ANKRD30A: variants seen among roughly 807,000 people sequenced by gnomAD.
ANKRD30A encodes the protein ankyrin repeat domain 30A, also known as ankyrin repeat domain-containing protein 30A.
A neutral mutation model predicts 166.3 loss-of-function variants in ANKRD30A; 170 were observed. The observed-to-expected ratio is 1.02, with a 90% CI of 0.90 to 1.16. The LOEUF (loss-of-function observed/expected upper bound fraction) is 1.16. Among genes scored for constraint, ANKRD30A ranks in the 50% most tolerant of loss-of-function variants. ANKRD30A has a pLI of 0.00. For missense variants in ANKRD30A, 1,630 were observed against 1,518.0 expected (o/e 1.07, Z -1.23); for synonymous variants, 564 against 508.9 (o/e 1.11, Z -1.46).
chr10:37,205,498 A>T (rs1841936594), intron 31 of ANKRD30A, among the ~76,000 whole-genome samples: 1 of 152,196 alleles, frequency 6.6e-6, no homozygotes, highest in Non-Finnish European at 1.5e-5. Context: ...TACCTAATGT[A>T]AATGACGAGT....
chr10:37,259,050 G>T, the ANKRD30A span, among the ~76,000 whole-genome samples: 1 of 148,354 alleles, frequency 6.7e-6, no homozygotes, highest in Non-Finnish European at 1.5e-5. Context: ...TCTTGAGCAA[G>T]ACTAAATAAG....
At chr10:37,156,261 T>C (rs1838372798) in intron 13 of ANKRD30A, among the ~76,000 whole-genome samples, 1 of 152,150 alleles carries the variant, frequency 6.6e-6, no homozygotes, top group African/African-American at 2.4e-5. Context: ...TCCAAGTACG[T>C]ACAGCCATAC....
Position 37,125,994 on chromosome 10 carries a change from A to C in ANKRD30A, c.207A>C (p.Gln69His). Residue 69 changes from glutamine (Q) to histidine (H), a missense_variant, in exon 1 of 36, where the codon CAA becomes CAC. Gln to His is a conservative substitution (Grantham distance 24, BLOSUM62 0). Transcript: ENST00000361713. Reference protein sequence around the residue: ...KRKKTINLNIQDAQKRTALHW... With the variant: ...KRKKTINLNIHDAQKRTALHW... ...AGAAGACCATCAACCTTAATATACA[A>C]GACGCCCAGAAGAGGTACCAGGCCC... is the stretch of plus-strand genomic sequence containing the variant. The C allele has an allele frequency of 1.9e-6, 3 of 1,584,564 alleles. No homozygotes were observed. In the South Asian group the frequency reaches 3.3e-5, roughly 17 times the overall value.
At chr10:37,234,944 C>T (rs1462001910), downstream of ANKRD30A, among the ~76,000 whole-genome samples, 3 of 152,072 alleles carry the variant, frequency 2.0e-5, no homozygotes, top group Non-Finnish European at 2.9e-5. Flanking sequence ...TGTTGAACTG[C>T]GCTTTTTCCA....
intron 9 of ANKRD30A, among the ~76,000 whole-genome samples, 158 bp downstream of exon 9, chr10:37,147,615 G>A (rs1837600540): frequency 6.6e-6 from 1 of 152,040 alleles, no homozygotes; most frequent in African/African-American, 2.4e-5. Context: ...TTCAGGTGTT[G>A]GCAACAGGAA....
At chr10:37,213,243 G>A (rs1842429383) in intron 31 of ANKRD30A, among the ~76,000 whole-genome samples, 1 of 151,890 alleles carries the variant, frequency 6.6e-6, no homozygotes, top group East Asian at 1.9e-4. Flanking sequence ...TCAAGATCAA[G>A]GTATCATCAG....
At chr10:37,202,726 A>G (rs1318389509) in intron 31 of ANKRD30A, among the ~76,000 whole-genome samples, 1 of 152,062 alleles carries the variant, frequency 6.6e-6, no homozygotes, top group East Asian at 1.9e-4. Context: ...ATTAACAAAT[A>G]TGATAGACTG....
At chr10:37,197,172 A>G (rs1386361289) in intron 27 of ANKRD30A, 109 bp from the exon 28 acceptor site, 8 of 1,442,368 alleles carry the variant, frequency 5.5e-6, no homozygotes, top group African/African-American at 4.2e-5. Context: ...TAAAGTATTC[A>G]TTCTCCAATT....
rs1242191673 is a variant in ANKRD30A at position 37,136,643 on chromosome 10, A to T, written c.792A>T (p.Leu264Phe). The stretch of plus-strand genomic sequence containing the variant: ...AAATTATGGAATATATACGAAAATT[A>T]TCTAAAAATCATCAAAATACCAATC... ...HEQIMEYIRKLSKNHQNTNPE... is the reference protein window; with the variant it reads ...HEQIMEYIRKFSKNHQNTNPE... The change falls in exon 6 of 36, where the codon TTA (leucine) becomes TTT (phenylalanine). Residue 264 changes from leucine to phenylalanine, a missense_variant. This residue lies in a region of ANKRD30A where 904 missense variants were observed against 818.5 expected (regional missense o/e 1.10). Coordinates refer to ENST00000361713, the MANE Select transcript of ANKRD30A (RefSeq NM_052997.3). 1.4e-6 allele frequency: 2 copies of T among 1,422,658 alleles called. No individual in the cohort carries two copies. Among genetic ancestry groups the T allele is most frequent in the Non-Finnish European group, 1.9e-6 (2 of 1,034,072 alleles). 88.1% of individuals were successfully genotyped at this position (1,422,658 alleles called of 1,614,324 possible).
the ANKRD30A span, among the ~76,000 whole-genome samples, chr10:37,243,694 C>G: frequency 2.0e-5 from 3 of 152,006 alleles, no homozygotes; most frequent in African/African-American, 7.2e-5. Context: ...AGTGACATTC[C>G]TATGATGTAT....
At position 37,232,526 on chromosome 10, in the gene ANKRD30A, A is replaced by G. The variant is rs2132768913; in HGVS notation, c.*239A>G. On this transcript the variant is annotated 3_prime_UTR_variant, in exon 36 of 36. Coordinates refer to ENST00000361713, the MANE Select transcript of ANKRD30A (RefSeq NM_052997.3). Reference sequence around the variant, plus strand: ...TTGCATAAAGCTGCACAGGATTCCCATCTACCCTGATGATGCAGCAGACAT... The same window carrying G: ...TTGCATAAAGCTGCACAGGATTCCCGTCTACCCTGATGATGCAGCAGACAT... The G allele has an allele frequency of 6.7e-6, 1 of 150,312 alleles. No individual in the cohort carries two copies. Among genetic ancestry groups the G allele is most frequent in the South Asian group, 2.1e-4 (1 of 4,718 alleles). The allele number at this position is 150,312 out of a possible 1,614,324, so 9.3% of individuals were successfully genotyped here. A position where few individuals can be genotyped will look rare whatever the true frequency, so the allele number is the denominator to read the frequency against.
At chr10:37,166,433 G>A (rs1204748043) in intron 18 of ANKRD30A, among the ~76,000 whole-genome samples, 172 bp from the exon 19 acceptor site, 4 of 151,988 alleles carry the variant, frequency 2.6e-5, no homozygotes, top group Non-Finnish European at 4.4e-5. Flanking sequence ...AGAGGGTTAT[G>A]TGAGGTTTTC....
At chr10:37,177,356 A>G (rs1416436179) in intron 24 of ANKRD30A, among the ~76,000 whole-genome samples, 1 of 152,108 alleles carries the variant, frequency 6.6e-6, no homozygotes, top group Non-Finnish European at 1.5e-5. Context: ...CTAGAACGTA[A>G]GTTAGATATT....
At chr10:37,218,377 A>C (rs1482645496) in intron 33 of ANKRD30A, among the ~76,000 whole-genome samples, 1 of 150,964 alleles carries the variant, frequency 6.6e-6, no homozygotes, top group African/African-American at 2.4e-5. Flanking sequence ...GACTCAGAAG[A>C]CTGGGAGAAA....
chr10:37,213,003 A>G (rs1842416513), intron 31 of ANKRD30A, among the ~76,000 whole-genome samples: 1 of 151,822 alleles, frequency 6.6e-6, no homozygotes, highest in Non-Finnish European at 1.5e-5. Context: ...TCATTTTCAA[A>G]CTTGGTAATT....
At chr10:37,241,326 T>A in the ANKRD30A span, 1 of 150,870 alleles carries the variant, frequency 6.6e-6, no homozygotes, top group African/African-American at 2.4e-5. Flanking sequence ...TAATATTTTA[T>A]TACTGGAATG....
At chr10:37,168,063 A>G (rs1839495442) in intron 19 of ANKRD30A, among the ~76,000 whole-genome samples, 1 of 32,104 alleles carries the variant, frequency 3.1e-5, no homozygotes, top group Admixed American at 3.7e-4. Flanking sequence ...ACTTATTGGT[A>G]TTAACACTTT....
chr10:37,153,060 A>T (rs535450576), intron 12 of ANKRD30A, among the ~76,000 whole-genome samples: 2 of 152,264 alleles, frequency 1.3e-5, no homozygotes, highest in East Asian at 3.9e-4. Context: ...ACCGAAAGGA[A>T]GCAGCTTTTT....
chr10:37,215,861 A>G (rs993777077), intron 31 of ANKRD30A, among the ~76,000 whole-genome samples: 24 of 151,330 alleles, frequency 1.6e-4, no homozygotes, highest in African/African-American at 5.6e-4. Context: ...TCTTTATTCC[A>G]CAGTGTAGCC....
Sources: gnomAD v4.1 joint callset for allele counts (sites outside exome capture counted in the v4.1 genomes callset) on GRCh38, gnomAD v4.1.1 for gene constraint, gnomAD v4.1.1 regional missense constraint, MANE v1.5 for transcripts, NCBI Gene and HGNC (gene_info 2026-07-23, HGNC 2026-07-21) for gene names.